CCDC149: variants seen among roughly 807,000 people sequenced by gnomAD.
CCDC149 encodes coiled-coil domain containing 149, also known as coiled-coil domain-containing protein 149.
In CCDC149, 45 loss-of-function variants were observed where a neutral mutation model predicts 59.9. That is an observed-to-expected ratio of 0.75 (90% CI 0.59 to 0.96). CCDC149 has a LOEUF of 0.96. Among genes scored for constraint, CCDC149 ranks in the 40% least tolerant of loss-of-function variants. The pLI, the probability that CCDC149 is intolerant of heterozygous loss-of-function variation, is 0.00. For synonymous variants in CCDC149, 245 were observed against 260.6 expected (o/e 0.94, Z 0.58); for missense variants, 584 against 664.7 (o/e 0.88, Z 1.33).
chr4:24,836,671 C>A (rs1453421627), intron 6 of CCDC149, among the ~76,000 whole-genome samples, 163 bp from the exon 7 acceptor site: 3 of 152,206 alleles, frequency 2.0e-5, no homozygotes, highest in Non-Finnish European at 4.4e-5. Flanking sequence ...ATCTTTGTGA[C>A]CTTTCCTTAA....
rs73103207 is a variant in CCDC149, at chr4:24,839,105, C to A, written c.373-833G>T. ...AGAGAGAGAGAAAGAGAGAAAATGACCAAATGCACCCAAATATTAAAAATG... is the reference window on the plus strand; with the variant it reads ...AGAGAGAGAGAAAGAGAGAAAATGAACAAATGCACCCAAATATTAAAAATG... On this transcript the variant is annotated intron_variant, in intron 4 of 12. Coordinates refer to ENST00000635206, the MANE Select transcript of CCDC149 (RefSeq NM_001330643.2). 8.9e-3 allele frequency among the ~76,000 whole-genome samples: 1,330 copies of A among 149,942 alleles called. 22 individuals are homozygous for A. Among genetic ancestry groups the A allele is most frequent in the African/African-American group, 0.031 (1,268 of 40,912 alleles).
chr4:24,951,577 G>A (rs569266185), intron 1 of CCDC149, among the ~76,000 whole-genome samples: 24 of 152,102 alleles, frequency 1.6e-4, no homozygotes, highest in Admixed American at 5.2e-4. Flanking sequence ...TTTTCTGGTG[G>A]CTTAAAAAAA....
Position 24,837,252 on chromosome 4 carries a change from ACGT to A in CCDC149, c.635_637del (p.Asp212del). 1 of 1,614,214 alleles carries A rather than the reference ACGT, an allele frequency of 6.2e-7. No homozygotes were observed. The highest frequency in any genetic ancestry group is 8.5e-7 in the Non-Finnish European group (1 of 1,180,020). On this transcript the variant is annotated inframe_deletion, in exon 6 of 13. Transcript: ENST00000635206. This position sits in a 1 kb window ranked among gnomAD's most constrained non-coding sequence, Gnocchi z 4.3. ...CCTGTTCTCCATACACAGGGCGTCC[ACGT>A]CAATGATGCGGTTCTCGTGCCCACT...
chr4:24,899,658 T>C (rs1319811828), intron 1 of CCDC149, among the ~76,000 whole-genome samples: 4 of 152,132 alleles, frequency 2.6e-5, no homozygotes, highest in Non-Finnish European at 4.4e-5. Context: ...CAGGCTCCTG[T>C]GCTCTCCCCA....
At chr4:24,960,957 A>G (rs948206398) in intron 1 of CCDC149, among the ~76,000 whole-genome samples, 2 of 152,240 alleles carry the variant, frequency 1.3e-5, no homozygotes, top group South Asian at 4.1e-4. Flanking sequence ...ATGAGACAAG[A>G]GAGTTTCCCA....
chr4:24,901,913 C>G (rs986634909), intron 1 of CCDC149, among the ~76,000 whole-genome samples: 3 of 152,204 alleles, frequency 2.0e-5, no homozygotes, highest in Non-Finnish European at 4.4e-5. Flanking sequence ...CCCCTTTTCT[C>G]TATTCCCATC....
chr4:24,834,872 G>C (rs1716394057), intron 8 of CCDC149, 76 bp downstream of exon 8: 11 of 1,096,352 alleles, frequency 1.0e-5, no homozygotes, highest in Non-Finnish European at 1.5e-5. Context: ...AAAAGCAGCA[G>C]CCTGGATGGG....
At chr4:24,880,149 G>A (rs545092192) in intron 1 of CCDC149, among the ~76,000 whole-genome samples, 28 of 152,306 alleles carry the variant, frequency 1.8e-4, no homozygotes, top group African/African-American at 6.5e-4. Context: ...ATATGATAGT[G>A]GTCCTACCAT....
At chr4:24,902,903 T>C (rs1721250788) in intron 1 of CCDC149, among the ~76,000 whole-genome samples, 1 of 151,328 alleles carries the variant, frequency 6.6e-6, no homozygotes, top group Non-Finnish European at 1.5e-5. Context: ...CTCATGCCTG[T>C]AGTCTCAGCT....
chr4:24,820,612 CAG>C lies in CCDC149; in HGVS notation c.1075+441_1075+442del, dbSNP rs1334464957. ...AAATGGAGACACAAAAAACAATGAG[CAG>C]ACAGAACAGACTGATCTGATTTATA... On this transcript the variant is annotated intron_variant, in intron 11 of 12. Coordinates refer to ENST00000635206, the MANE Select transcript of CCDC149 (RefSeq NM_001330643.2). 2.0e-5 allele frequency among the ~76,000 whole-genome samples: 3 copies of C among 152,180 alleles called. No individual in the cohort carries two copies. In the East Asian group the frequency reaches 5.8e-4, roughly 29 times the overall value.
At chr4:24,815,433 G>A (rs1249195470) in intron 12 of CCDC149, among the ~76,000 whole-genome samples, 1 of 152,156 alleles carries the variant, frequency 6.6e-6, no homozygotes, top group East Asian at 1.9e-4. Flanking sequence ...CCAGCATGGT[G>A]GGGAGGCTTT....
chr4:24,966,557 C>A (rs1474061971), intron 1 of CCDC149, among the ~76,000 whole-genome samples: 1 of 152,258 alleles, frequency 6.6e-6, no homozygotes, highest in East Asian at 1.9e-4. Flanking sequence ...CCCACAGTGG[C>A]CCCCTGACAG....
chr4:24,912,951 C>T lies in CCDC149; in HGVS notation c.-72G>A, dbSNP rs1721985634. On this transcript the variant is annotated 5_prime_UTR_variant, in exon 1 of 13. Coordinates refer to ENST00000635206, the MANE Select transcript of CCDC149 (RefSeq NM_001330643.2). ...CGTCGCGTCGCCGCCGCCGCCCGGG[C>T]CCCGCGCGGCCCCGAGAGGGCCCGG... 1 of 840,104 alleles carries T rather than the reference C, an allele frequency of 1.2e-6. No homozygotes were observed. Among genetic ancestry groups the T allele is most frequent in the East Asian group, 6.8e-5 (1 of 14,696 alleles). The allele number at this position is 840,104 out of a possible 1,614,324, so 52.0% of individuals were successfully genotyped here.
At chr4:24,826,327 G>C (rs936543577) in intron 9 of CCDC149, among the ~76,000 whole-genome samples, 6 of 152,154 alleles carry the variant, frequency 3.9e-5, no homozygotes, top group Non-Finnish European at 5.9e-5. Flanking sequence ...ATGCCTAGTT[G>C]AGAATGGAGT....
intron 1 of CCDC149, among the ~76,000 whole-genome samples, chr4:24,893,592 T>C (rs1258468655): frequency 7.2e-6 from 1 of 138,256 alleles, no homozygotes; most frequent in African/African-American, 2.6e-5. Flanking sequence ...GTTTCCCTTC[T>C]AGCACAATCT....
At position 24,807,311 on chromosome 4, in the gene CCDC149, G is replaced by T. The variant is rs537706131; in HGVS notation, c.*1078C>A. 7 of 152,202 alleles carry T rather than the reference G, an allele frequency of 4.6e-5. No homozygotes were observed. The highest frequency in any genetic ancestry group is 1.0e-4 in the Non-Finnish European group (7 of 68,100). The allele number at this position is 152,202 out of a possible 1,614,324, so 9.4% of individuals were successfully genotyped here. On this transcript the variant is annotated 3_prime_UTR_variant, in exon 13 of 13. Coordinates refer to ENST00000635206, the MANE Select transcript of CCDC149 (RefSeq NM_001330643.2). ...TTCCCATCCCTGTATCATGTCCTTG[G>T]TTCCACATCCCCCCTTGCCATGCTG...
In CCDC149 at chr4:24,837,105, AG is replaced by A; in HGVS notation, c.662+122del. 1.1e-6 allele frequency: 1 copy of A among 890,896 alleles called. No homozygotes were observed. The highest frequency in any genetic ancestry group is 1.7e-6 in the Non-Finnish European group (1 of 592,310). 55.2% of individuals were successfully genotyped at this position (890,896 alleles called of 1,614,324 possible). On this transcript the variant is annotated intron_variant, in intron 6 of 12. Coordinates refer to ENST00000635206, the MANE Select transcript of CCDC149 (RefSeq NM_001330643.2). This position sits in a 1 kb window ranked among gnomAD's most constrained non-coding sequence, Gnocchi z 4.3. ...TTGATGTCATCATTTCGGGGGAGTG[AG>A]TTTCTTTTCACTTGTAAGGCAATTT... is the stretch of plus-strand genomic sequence containing the variant.
At chr4:24,865,068 T>C (rs1051477610) in intron 3 of CCDC149, among the ~76,000 whole-genome samples, 1 of 152,080 alleles carries the variant, frequency 6.6e-6, no homozygotes, top group African/African-American at 2.4e-5. Context: ...GAAAGTCTGG[T>C]AACATACCTC....
At chr4:24,930,268 G>C (rs1332486966) in intron 1 of CCDC149, among the ~76,000 whole-genome samples, 2 of 152,234 alleles carry the variant, frequency 1.3e-5, no homozygotes, top group Admixed American at 1.3e-4. Context: ...ACCACAGCTA[G>C]GAGCTGGCAG....
Sources: allele counts gnomAD v4.1 joint callset (sites outside exome capture counted in the v4.1 genomes callset), GRCh38; gene constraint gnomAD v4.1.1; non-coding constraint Gnocchi (gnomAD v3.1); transcripts MANE v1.5; gene names NCBI Gene and HGNC (gene_info 2026-07-23, HGNC 2026-07-21).